BBX: variants seen among roughly 807,000 people sequenced by gnomAD.
BBX encodes BBX high mobility group box domain containing.
Under a neutral mutation model 100.2 loss-of-function variants are expected in BBX, and 30 were observed. The ratio of observed to expected loss-of-function variants is 0.30; its 90% CI spans 0.22 to 0.41. The LOEUF (loss-of-function observed/expected upper bound fraction) is 0.41, where lower values mean the gene tolerates loss of function less well. BBX is among the 10% of genes least tolerant of loss of function. BBX has a pLI of 1.00. For missense variants in BBX, 1,023 were observed against 1,129.8 expected, an observed-to-expected ratio of 0.91 and a Z score of 1.35; for synonymous variants, 376 against 388.1, an observed-to-expected ratio of 0.97 and a Z score of 0.37.
intron 2 of BBX, among the ~76,000 whole-genome samples, chr3:107,592,478 G>A (rs931305040): frequency 2.7e-5 from 4 of 148,862 alleles, no homozygotes; most frequent in Non-Finnish European, 5.9e-5. Flanking sequence ...CCTTAGTATT[G>A]AACAGAATGC....
intron 3 of BBX, among the ~76,000 whole-genome samples, chr3:107,664,127 CTTTTATTTTT>C (rs1172809765): frequency 1.3e-5 from 2 of 152,042 alleles, no homozygotes; most frequent in African/African-American, 4.8e-5. Flanking sequence ...TTTTTCTTTT[CTTTTATTTTT>C]GTCATTGGAA....
chr3:107,804,055 A>C (rs1046772005), intron 17 of BBX, among the ~76,000 whole-genome samples: 1 of 151,970 alleles, frequency 6.6e-6, no homozygotes, highest in African/African-American at 2.4e-5. Flanking sequence ...TTGAACAAAG[A>C]GCTGAACATA....
At chr3:107,702,455 T>A (rs1390314407) in intron 3 of BBX, among the ~76,000 whole-genome samples, 1 of 152,238 alleles carries the variant, frequency 6.6e-6, no homozygotes, top group Admixed American at 6.5e-5. Flanking sequence ...AAGCCTTTTG[T>A]CCATTCTGCC....
At chr3:107,611,986 AT>A (rs2054879902) in intron 2 of BBX, among the ~76,000 whole-genome samples, 1 of 151,662 alleles carries the variant, frequency 6.6e-6, no homozygotes, top group African/African-American at 2.4e-5. Context: ...CTTCTGCTTG[AT>A]CAGTTCTACT....
intron 2 of BBX, among the ~76,000 whole-genome samples, chr3:107,586,839 C>T (rs1309267856): frequency 1.3e-5 from 2 of 152,014 alleles, no homozygotes; most frequent in Admixed American, 1.3e-4. Flanking sequence ...CAACCTCCGC[C>T]TCCGAGGTTC....
intron 2 of BBX, among the ~76,000 whole-genome samples, chr3:107,642,149 T>C (rs1454437765): frequency 6.6e-6 from 1 of 152,138 alleles, no homozygotes; most frequent in Admixed American, 6.6e-5. Context: ...AATTGCGTAA[T>C]GTGTATGAGG....
chr3:107,702,275 A>G (rs1404145874), intron 3 of BBX, among the ~76,000 whole-genome samples: 1 of 152,250 alleles, frequency 6.6e-6, no homozygotes, highest in East Asian at 1.9e-4. Context: ...GTCATTGACA[A>G]ATAACCAGAG....
intron 2 of BBX, among the ~76,000 whole-genome samples, chr3:107,580,095 G>A (rs1272738362): frequency 1.3e-5 from 2 of 151,846 alleles, no homozygotes; most frequent in African/African-American, 2.4e-5. Context: ...TGTAAAATTT[G>A]ACTTACTTAT....
chr3:107,581,692 G>A (rs2052291966), intron 2 of BBX, among the ~76,000 whole-genome samples: 1 of 151,996 alleles, frequency 6.6e-6, no homozygotes, highest in Non-Finnish European at 1.5e-5. Context: ...TGAATTGGCT[G>A]TTTCTTTTAC....
At chr3:107,630,647 G>A (rs768605086) in intron 2 of BBX, among the ~76,000 whole-genome samples, 5 of 152,140 alleles carry the variant, frequency 3.3e-5, no homozygotes, top group African/African-American at 7.2e-5. Flanking sequence ...AATTCAGTGC[G>A]TAAAACATGT....
chr3:107,561,379 G>A (rs777326779), intron 2 of BBX, among the ~76,000 whole-genome samples: 1 of 152,100 alleles, frequency 6.6e-6, no homozygotes, highest in Non-Finnish European at 1.5e-5. Context: ...ATTCTATATC[G>A]ATCTATATGC....
chr3:107,657,970 GA>G (rs554362562), intron 3 of BBX, among the ~76,000 whole-genome samples: 1 of 152,118 alleles, frequency 6.6e-6, no homozygotes, highest in Non-Finnish European at 1.5e-5. Context: ...TGCAAGATGG[GA>G]AGACTTTCAA....
At chr3:107,612,665 A>G (rs1490893799) in intron 2 of BBX, among the ~76,000 whole-genome samples, 1 of 152,164 alleles carries the variant, frequency 6.6e-6, no homozygotes, top group Non-Finnish European at 1.5e-5. Context: ...CCTGTGGCCA[A>G]CACCACCGGA....
At chr3:107,685,638 A>G (rs1385704929) in intron 3 of BBX, among the ~76,000 whole-genome samples, 1 of 152,214 alleles carries the variant, frequency 6.6e-6, no homozygotes, top group Admixed American at 6.5e-5. Flanking sequence ...ATCTGCTGTA[A>G]GTAATGCCTT....
At chr3:107,664,076 C>A (rs1336306748) in intron 3 of BBX, among the ~76,000 whole-genome samples, 4 of 152,168 alleles carry the variant, frequency 2.6e-5, no homozygotes, top group African/African-American at 9.7e-5. Flanking sequence ...AAATGCTGGG[C>A]TTACAAGTGT....
In BBX at chr3:107,710,453, T is replaced by C; in HGVS notation, c.-8T>C. ...TCTCTCTCTCTCTTCCTATTACAGG[T>C]CACAGTAATGAAAGGCAGTAATAGA... On this transcript the variant is annotated splice_region_variant and 5_prime_UTR_variant, in exon 4 of 18. Coordinates refer to ENST00000325805, the MANE Select transcript of BBX (RefSeq NM_001142568.3). 6.2e-7 allele frequency: 1 copy of C among 1,608,614 alleles called. No homozygotes were observed. Among genetic ancestry groups the C allele is most frequent in the Non-Finnish European group, 8.5e-7 (1 of 1,176,508 alleles).
In BBX at chr3:107,601,103, A is replaced by C. The variant is rs573423824; in HGVS notation, c.-83-44733A>C. ...GAGTGCTCTTTGTTGTTACTATTGT[A>C]ATTGTTTTGGGGCACCACGAACTGC... On this transcript the variant is annotated intron_variant, in intron 2 of 17. Transcript: ENST00000325805. 1.3e-4 allele frequency among the ~76,000 whole-genome samples: 20 copies of C among 152,220 alleles called. No homozygotes were observed. In the South Asian group the frequency reaches 4.1e-3, roughly 32 times the overall value.
chr3:107,659,729 C>A (rs977877614), intron 3 of BBX: 1 of 1,284,358 alleles, frequency 7.8e-7, no homozygotes. Context: ...GTTTGGGTAT[C>A]CTTTTACATT....
chr3:107,643,685 C>CATCACCA (rs1291930066), intron 2 of BBX, among the ~76,000 whole-genome samples: 2 of 152,162 alleles, frequency 1.3e-5, no homozygotes, highest in African/African-American at 4.8e-5. Context: ...TGCTGGCCCA[C>CATCACCA]CTGCCTTTCT....
Sources: allele counts gnomAD v4.1 joint callset (sites outside exome capture counted in the v4.1 genomes callset), GRCh38; gene constraint gnomAD v4.1.1; transcripts MANE v1.5; gene names NCBI Gene and HGNC (gene_info 2026-07-23, HGNC 2026-07-21).